Variants in ZNF536 observed in about 807,000 individuals in gnomAD.
ZNF536 encodes the protein zinc finger protein 536.
ZNF536 carries 13 observed loss-of-function variants against 84.5 expected under a neutral mutation model. The ratio of observed to expected loss-of-function variants is 0.15; its 90% CI spans 0.10 to 0.24. ZNF536 has a LOEUF of 0.24. Among genes scored for constraint, ZNF536 ranks in the 10% least tolerant of loss-of-function variants. The pLI is 1.00. For missense variants in ZNF536, 1,536 were observed against 1,747.5 expected (o/e 0.88, Z 2.16); for synonymous variants, 811 against 742.5 (o/e 1.09, Z -1.50).
At chr19:30,674,917 G>A (rs529493800) in intron 1 of ZNF536, among the ~76,000 whole-genome samples, 37 of 152,246 alleles carry the variant, frequency 2.4e-4, no homozygotes, top group Non-Finnish European at 3.5e-4. Flanking sequence ...AACAGGTCAC[G>A]TGGGCATCGG....
chr19:30,465,096 C>T (rs1004542961), intron 2 of ZNF536, among the ~76,000 whole-genome samples: 9 of 152,182 alleles, frequency 5.9e-5, no homozygotes, highest in East Asian at 1.9e-4. Flanking sequence ...TCATGAAGTA[C>T]GGAGTTAAAT....
intron 1 of ZNF536, among the ~76,000 whole-genome samples, chr19:30,694,172 C>G (rs1290855114): frequency 6.6e-6 from 1 of 152,182 alleles, no homozygotes; most frequent in African/African-American, 2.4e-5. Flanking sequence ...CCATACAGAG[C>G]ACAGCACACC....
At chr19:30,328,485 C>T (rs1349850270) in intron 2 of ZNF536, among the ~76,000 whole-genome samples, 1 of 152,206 alleles carries the variant, frequency 6.6e-6, no homozygotes, top group Non-Finnish European at 1.5e-5. Context: ...CATGGTTCTC[C>T]ATCATGGCCA....
intron 1 of ZNF536, among the ~76,000 whole-genome samples, chr19:30,708,827 G>A (rs761085026): frequency 3.9e-5 from 6 of 152,216 alleles, no homozygotes; most frequent in Non-Finnish European, 7.3e-5. Flanking sequence ...TCAGGAACAA[G>A]ACTGTTTTGC....
chr19:30,630,349 G>A (rs1210102869), intron 1 of ZNF536, among the ~76,000 whole-genome samples: 1 of 152,212 alleles, frequency 6.6e-6, no homozygotes, highest in Non-Finnish European at 1.5e-5. Context: ...TTGGAAGGCA[G>A]GATACATCAG....
intron 2 of ZNF536, among the ~76,000 whole-genome samples, chr19:30,481,830 C>T (rs2054101692): frequency 6.6e-6 from 1 of 152,120 alleles, no homozygotes; most frequent in African/African-American, 2.4e-5. Flanking sequence ...CCCTCCCGCC[C>T]TCACCACCTC....
chr19:30,274,636 G>T (rs2026027654), intron 1 of ZNF536, among the ~76,000 whole-genome samples: 1 of 152,118 alleles, frequency 6.6e-6, no homozygotes, highest in Non-Finnish European at 1.5e-5. Flanking sequence ...GTTCAAGGGG[G>T]TACATGGGCT....
chr19:30,331,377 A>G (rs1456293117), intron 2 of ZNF536, among the ~76,000 whole-genome samples: 1 of 150,412 alleles, frequency 6.6e-6, no homozygotes, highest in Non-Finnish European at 1.5e-5. Flanking sequence ...ATTACTGAAT[A>G]CTATAAATCT....
chr19:30,454,554 T>C (rs183968080), intron 2 of ZNF536, among the ~76,000 whole-genome samples: 1 of 152,376 alleles, frequency 6.6e-6, no homozygotes, highest in Non-Finnish European at 1.5e-5. Context: ...TATGTGTTTT[T>C]ATTTTCGTTT....
chr19:30,514,294 CA>C (rs1599650613), intron 2 of ZNF536, among the ~76,000 whole-genome samples: 1 of 152,102 alleles, frequency 6.6e-6, no homozygotes, highest in Admixed American at 6.5e-5. Flanking sequence ...TCAAAAAAAT[CA>C]AAAAGTCTGT....
intron 2 of ZNF536, among the ~76,000 whole-genome samples, chr19:30,346,849 T>C (rs145633116): frequency 0.01 from 1,555 of 152,366 alleles, 19 homozygotes; most frequent in African/African-American, 0.035. Context: ...TTATGTTCCT[T>C]TGGGTATATA....
At chr19:30,275,440 G>A (rs983302287) in intron 1 of ZNF536, among the ~76,000 whole-genome samples, 4 of 152,204 alleles carry the variant, frequency 2.6e-5, no homozygotes, top group African/African-American at 9.7e-5. Flanking sequence ...GGCCATGGGG[G>A]CCACTGGCTG....
intron 2 of ZNF536, among the ~76,000 whole-genome samples, chr19:30,459,444 C>T (rs920315165): frequency 8.6e-5 from 13 of 151,186 alleles, no homozygotes; most frequent in Non-Finnish European, 1.3e-4. Flanking sequence ...TCTGCTTTCC[C>T]GGTTCAAGTG....
chr19:30,284,977 T>A (rs1182314292), intron 2 of ZNF536, among the ~76,000 whole-genome samples: 2 of 152,236 alleles, frequency 1.3e-5, no homozygotes, highest in African/African-American at 4.8e-5. Context: ...ACAACAGTTA[T>A]ATTAGAAATT....
At chr19:30,400,793 TC>T (rs1315915024) in intron 1 of ZNF536, among the ~76,000 whole-genome samples, 3 of 152,210 alleles carry the variant, frequency 2.0e-5, no homozygotes, top group African/African-American at 7.2e-5. Flanking sequence ...GCAAACATTT[TC>T]CCCTAGTCTG....
chr19:30,535,073 C>T (rs2145943149), intron 3 of ZNF536, 74 bp downstream of exon 3: 3 of 1,510,438 alleles, frequency 2.0e-6, no homozygotes, highest in Non-Finnish European at 2.7e-6. Flanking sequence ...CTTTCTGGCC[C>T]AGGTCCACAG....
At chr19:30,528,325 A>C (rs760535026) in intron 2 of ZNF536, among the ~76,000 whole-genome samples, 16 of 152,156 alleles carry the variant, frequency 1.1e-4, no homozygotes, top group Non-Finnish European at 1.6e-4. Context: ...CCAAGAATCC[A>C]CATGCAATAT....
chr19:30,523,786 C>G (rs764826621), intron 2 of ZNF536, among the ~76,000 whole-genome samples: 12 of 152,166 alleles, frequency 7.9e-5, no homozygotes, highest in Non-Finnish European at 1.2e-4. Context: ...TGCCACAGCC[C>G]CAGGGAGAGG....
chr19:30,268,680 G>A (rs1275692033), intron 1 of ZNF536, among the ~76,000 whole-genome samples: 11 of 152,324 alleles, frequency 7.2e-5, no homozygotes, highest in Non-Finnish European at 1.5e-5. Flanking sequence ...CAAGCAGGCT[G>A]TTTAAAAAGC....
Sources: gnomAD v4.1 joint callset for allele counts (sites outside exome capture counted in the v4.1 genomes callset) on GRCh38, gnomAD v4.1.1 for gene constraint, MANE v1.5 for transcripts, NCBI Gene and HGNC (gene_info 2026-07-23, HGNC 2026-07-21) for gene names.